PAH: variants seen among roughly 807,000 people sequenced by gnomAD.
PAH encodes phenylalanine hydroxylase, also known as phenylalanine-4-hydroxylase.
PAH carries 64 observed loss-of-function variants against 62.0 expected under a neutral mutation model. The observed-to-expected ratio is 1.03, with a 90% CI of 0.84 to 1.27. The LOEUF (loss-of-function observed/expected upper bound fraction) is 1.27, where lower values mean the gene tolerates loss of function less well. Ranked by LOEUF, PAH falls within the 50% of genes most tolerant of loss-of-function variation. The pLI is 0.00. For synonymous variants in PAH, 195 were observed against 196.2 expected, an observed-to-expected ratio of 0.99 and a Z score of 0.05; for missense variants, 579 against 542.8, an observed-to-expected ratio of 1.07 and a Z score of -0.66.
intron 4 of PAH, among the ~76,000 whole-genome samples, chr12:102,867,276 T>A (rs1466087785): frequency 6.6e-6 from 1 of 152,154 alleles, no homozygotes; most frequent in Non-Finnish European, 1.5e-5. Flanking sequence ...GGGATTTGGA[T>A]CACCATCAGT....
At chr12:102,940,977 A>C (rs1344991418) in intron 1 of PAH, among the ~76,000 whole-genome samples, 1 of 152,244 alleles carries the variant, frequency 6.6e-6, no homozygotes, top group Non-Finnish European at 1.5e-5. Context: ...CTGACCTTTC[A>C]GCAGAAGCCC....
At chr12:102,851,366 A>G (rs1875140210) in intron 8 of PAH, among the ~76,000 whole-genome samples, 1 of 152,206 alleles carries the variant, frequency 6.6e-6, no homozygotes, top group Non-Finnish European at 1.5e-5. Flanking sequence ...ATGTACTAAG[A>G]GATTGGAAGA....
At chr12:102,881,705 G>A (rs1447714458) in intron 3 of PAH, among the ~76,000 whole-genome samples, 1 of 152,144 alleles carries the variant, frequency 6.6e-6, no homozygotes, top group Non-Finnish European at 1.5e-5. Context: ...GTGAGATCAA[G>A]CAGTATTTGT....
At chr12:102,895,697 G>T (rs1178239382) in intron 2 of PAH, among the ~76,000 whole-genome samples, 3 of 151,452 alleles carry the variant, frequency 2.0e-5, no homozygotes, top group Non-Finnish European at 4.4e-5. Flanking sequence ...AAACACAAAA[G>T]AATTAGCTGG....
chr12:102,876,778 C>T (rs150130122), intron 4 of PAH, among the ~76,000 whole-genome samples: 36 of 152,198 alleles, frequency 2.4e-4, no homozygotes, highest in African/African-American at 8.4e-4. Context: ...TCCCCCACCC[C>T]GGCCCTCTAC....
rs139774129 is a variant in PAH, at chr12:102,879,758, G to A, written c.353-2208C>T. Among the ~76,000 whole-genome samples, 343 of 152,286 alleles carry A rather than the reference G, an allele frequency of 2.3e-3. 2 individuals are homozygous for A. Among genetic ancestry groups the A allele is most frequent in the African/African-American group, 7.6e-3 (317 of 41,560 alleles). ...GACTCTCTGGCCTCTGGTCTTGATC[G>A]TCAATGCATCTTGCCAATCATGGGA... is the stretch of plus-strand genomic sequence containing the variant. On this transcript the variant is annotated intron_variant, in intron 3 of 12. Transcript: ENST00000553106.
intron 5 of PAH, among the ~76,000 whole-genome samples, chr12:102,855,964 T>C (rs941113560): frequency 6.7e-6 from 1 of 149,212 alleles, no homozygotes; most frequent in Admixed American, 6.6e-5. Flanking sequence ...TGTATACATA[T>C]ATCAAAACAT....
chr12:102,917,252 G>C (rs1483331805), upstream of PAH: 4 of 831,856 alleles, frequency 4.8e-6, no homozygotes, highest in African/African-American at 1.7e-5. Context: ...AGTTACAAAG[G>C]GTGTCTCTTG....
chr12:102,937,576 ATTG>A (rs1279064341), intron 1 of PAH, among the ~76,000 whole-genome samples: 2 of 152,066 alleles, frequency 1.3e-5, no homozygotes, highest in Non-Finnish European at 2.9e-5. Context: ...TGTTGCCCTG[ATTG>A]TTAACTTTTT....
intron 5 of PAH, 106 bp from the exon 6 acceptor site, chr12:102,855,438 C>T: frequency 2.5e-6 from 2 of 787,448 alleles, no homozygotes; most frequent in Non-Finnish European, 4.4e-6. Flanking sequence ...GAGCTGCCAT[C>T]ACTTGCTACA....
chr12:102,841,263 G>A (rs2136632989), intron 11 of PAH, among the ~76,000 whole-genome samples: 1 of 152,280 alleles, frequency 6.6e-6, no homozygotes, highest in East Asian at 1.9e-4. Context: ...CACCATGAGG[G>A]CCTCTATGAG....
At chr12:102,904,045 T>C (rs182651035) in intron 2 of PAH, among the ~76,000 whole-genome samples, 529 of 152,214 alleles carry the variant, frequency 3.5e-3, no homozygotes, top group African/African-American at 0.011. Context: ...TAATTGAAAG[T>C]TGGAACAATC....
chr12:102,952,890 G>A (rs1879810428), upstream of PAH, among the ~76,000 whole-genome samples: 1 of 152,244 alleles, frequency 6.6e-6, no homozygotes. Flanking sequence ...TACATGGTTT[G>A]TGCTATTCTG....
At chr12:102,847,071 A>G in intron 8 of PAH, 120 bp from the exon 9 acceptor site, 1 of 769,896 alleles carries the variant, frequency 1.3e-6, no homozygotes, top group Non-Finnish European at 2.3e-6. Flanking sequence ...GCCCACATAG[A>G]CCCTGAGTGT....
chr12:102,875,925 CCA>C (rs1491443436), intron 4 of PAH, among the ~76,000 whole-genome samples: 6 of 98,512 alleles, frequency 6.1e-5, no homozygotes, highest in Non-Finnish European at 1.2e-4. Context: ...TATATATACA[CCA>C]TATATATATA....
At chr12:102,913,729 C>T in intron 1 of PAH, 2 of 683,016 alleles carry the variant, frequency 2.9e-6, no homozygotes, top group South Asian at 3.1e-5. Flanking sequence ...CATGAAAGTA[C>T]ACAAATAACC....
chr12:102,890,857 C>T (rs975562486), intron 3 of PAH, among the ~76,000 whole-genome samples: 4 of 152,144 alleles, frequency 2.6e-5, no homozygotes, highest in Non-Finnish European at 4.4e-5. Flanking sequence ...CCGAGGTGGG[C>T]GGATCACCTG....
chr12:102,842,811 A>C (rs1874649219), intron 11 of PAH, among the ~76,000 whole-genome samples: 1 of 152,120 alleles, frequency 6.6e-6, no homozygotes, highest in Admixed American at 6.6e-5. Flanking sequence ...ATAGGGTTGA[A>C]AGCTAACATA....
At chr12:102,898,817 A>G (rs1187933154) in intron 2 of PAH, among the ~76,000 whole-genome samples, 1 of 152,212 alleles carries the variant, frequency 6.6e-6, no homozygotes, top group Non-Finnish European at 1.5e-5. Flanking sequence ...AGCACTCCAC[A>G]AATATCAACT....
Sources: allele counts gnomAD v4.1 joint callset (sites outside exome capture counted in the v4.1 genomes callset), GRCh38; gene constraint gnomAD v4.1.1; transcripts MANE v1.5; gene names NCBI Gene and HGNC (gene_info 2026-07-23, HGNC 2026-07-21).